MMS22L: variants seen among roughly 807,000 people sequenced by gnomAD.
The protein encoded by MMS22L is MMS22 like, DNA repair protein, also known as protein MMS22-like.
Under a neutral mutation model 159.1 loss-of-function variants are expected in MMS22L, and 74 were observed. That is an observed-to-expected ratio of 0.47 (90% CI 0.39 to 0.56). The LOEUF (loss-of-function observed/expected upper bound fraction) is 0.56, where lower values mean the gene tolerates loss of function less well. MMS22L is among the 20% of genes least tolerant of loss of function. The pLI is 0.00. For synonymous variants in MMS22L, 517 were observed against 506.9 expected, an observed-to-expected ratio of 1.02 and a Z score of -0.27; for missense variants, 1,351 against 1,422.1, an observed-to-expected ratio of 0.95 and a Z score of 0.80.
chr6:97,175,910 T>C (rs1414638298), intron 18 of MMS22L, among the ~76,000 whole-genome samples: 1 of 152,180 alleles, frequency 6.6e-6, no homozygotes, highest in African/African-American at 2.4e-5. Context: ...ACTTTGTCAG[T>C]TGTTCTTTTA....
intron 4 of MMS22L, among the ~76,000 whole-genome samples, chr6:97,277,548 AACAC>A (rs148516763): frequency 6.6e-6 from 1 of 151,102 alleles, no homozygotes; most frequent in Non-Finnish European, 1.5e-5. Flanking sequence ...CTCCAAACAA[AACAC>A]ACACACACAC....
chr6:97,177,972 GAAACA>G (rs1056534129), intron 18 of MMS22L, among the ~76,000 whole-genome samples: 6 of 151,972 alleles, frequency 3.9e-5, no homozygotes, highest in Non-Finnish European at 8.8e-5. Context: ...GTTTATTATG[GAAACA>G]AAACAAAACA....
Position 97,273,070 on chromosome 6 carries a change from CA to C in MMS22L, c.341-9del. ...GTAGAGTTGATACCTTCCCTGAAAC[CA>C]AAATAGACAATGTTAATCATAGTTC... On this transcript the variant is annotated splice_polypyrimidine_tract_variant and intron_variant, in intron 4 of 24. Transcript: ENST00000683635. 6.3e-7 allele frequency: 1 copy of C among 1,592,560 alleles called. No homozygotes were observed. The highest frequency in any genetic ancestry group is 8.5e-7 in the Non-Finnish European group (1 of 1,171,070).
Position 97,196,624 on chromosome 6 carries a change from A to C in MMS22L, c.2040-9934T>G, listed in dbSNP as rs368473774. On this transcript the variant is annotated intron_variant, in intron 14 of 24. Coordinates refer to ENST00000683635, the MANE Select transcript of MMS22L (RefSeq NM_001350599.2). ...GCTGGAAATGAGAGAAAACCAACTT[A>C]TATACCCAACATATATATTCCTCAT... Among the ~76,000 whole-genome samples, 37 of 152,298 alleles carry C rather than the reference A, an allele frequency of 2.4e-4. No homozygotes were observed. In the East Asian group the frequency reaches 5.6e-3, roughly 23 times the overall value.
At chr6:97,239,499 TTAAG>T (rs1374039669) in intron 11 of MMS22L, among the ~76,000 whole-genome samples, 11 of 152,228 alleles carry the variant, frequency 7.2e-5, no homozygotes, top group African/African-American at 2.7e-4. Context: ...AAAACTGTAC[TTAAG>T]TAAGTAAAAT....
In MMS22L at chr6:97,229,193, C is replaced by T. The variant is rs764539563; in HGVS notation, c.1740G>A (p.Met580Ile). 6.2e-7 allele frequency: 1 copy of T among 1,614,098 alleles called. No homozygotes were observed. The change falls in exon 14 of 25, where the codon ATG becomes ATA. Residue 580 changes from methionine (M) to isoleucine (I), a missense_variant. Met to Ile is a conservative substitution (Grantham distance 10). Coordinates refer to ENST00000683635, the MANE Select transcript of MMS22L (RefSeq NM_001350599.2). Reference sequence around the variant, plus strand: ...CAATGTCCAGATTTTTCTGGGCATACATCAAGAGGAAGGCCATGTGACCCT... The same window carrying T: ...CAATGTCCAGATTTTTCTGGGCATATATCAAGAGGAAGGCCATGTGACCCT... ...IWKGHMAFLL[M>I]YAQKNLDIGV... is the part of the protein sequence containing the mutation.
chr6:97,202,435 T>C (rs1807279301), intron 14 of MMS22L, among the ~76,000 whole-genome samples: 1 of 152,192 alleles, frequency 6.6e-6, no homozygotes, highest in Non-Finnish European at 1.5e-5. Context: ...ACACAACTTT[T>C]AAATATCCTT....
chr6:97,219,789 A>G (rs1809426465), intron 14 of MMS22L, among the ~76,000 whole-genome samples: 1 of 152,208 alleles, frequency 6.6e-6, no homozygotes, highest in Non-Finnish European at 1.5e-5. Flanking sequence ...GGCAAAAAGC[A>G]AAACTTGCTG....
At chr6:97,215,726 C>T (rs1808939039) in intron 14 of MMS22L, among the ~76,000 whole-genome samples, 1 of 151,996 alleles carries the variant, frequency 6.6e-6, no homozygotes, top group Non-Finnish European at 1.5e-5. Context: ...AAATAATACT[C>T]GCACTCACTG....
chr6:97,241,231 C>G (rs533817141), intron 11 of MMS22L, among the ~76,000 whole-genome samples: 2 of 152,260 alleles, frequency 1.3e-5, no homozygotes, highest in South Asian at 4.1e-4. Context: ...TGGGCTGGTT[C>G]CATATTTTTG....
intron 9 of MMS22L, chr6:97,260,183 C>T (rs559599344): frequency 6.6e-6 from 1 of 152,118 alleles, no homozygotes; most frequent in Non-Finnish European, 1.5e-5. Context: ...AATTATCCAG[C>T]AGACCCTTTC....
At chr6:97,170,705 G>T (rs1325634241) in intron 19 of MMS22L, among the ~76,000 whole-genome samples, 1 of 151,910 alleles carries the variant, frequency 6.6e-6, no homozygotes, top group African/African-American at 2.4e-5. Context: ...AAGTAATTTT[G>T]TTCATTTAAG....
At position 97,261,041 on chromosome 6, in the gene MMS22L, C is replaced by G. The variant is rs77664237; in HGVS notation, c.942+2294G>C. The G allele has an allele frequency of 2.4e-4, 36 of 152,216 alleles. No individual in the cohort carries two copies. In the East Asian group the frequency reaches 7.0e-3, roughly 29 times the overall value. 9.4% of individuals were successfully genotyped at this position (152,216 alleles called of 1,614,324 possible). On this transcript the variant is annotated intron_variant, in intron 9 of 24. Coordinates refer to ENST00000683635, the MANE Select transcript of MMS22L (RefSeq NM_001350599.2). ...ATGTCATGTGGACACTTTTATGTTT[C>G]TTTCTTATCAGTTCTCCGATCTACA...
chr6:97,260,767 T>C (rs1814379112), intron 9 of MMS22L: 1 of 152,212 alleles, frequency 6.6e-6, no homozygotes, highest in South Asian at 2.1e-4. Flanking sequence ...TAGGATTAGC[T>C]TAAAAGATTC....
intron 15 of MMS22L, among the ~76,000 whole-genome samples, chr6:97,183,389 G>A (rs149508782): frequency 6.6e-6 from 1 of 152,026 alleles, no homozygotes; most frequent in African/African-American, 2.4e-5. Flanking sequence ...TCAAACTCTT[G>A]GCCTTTTCCC....
At chr6:97,235,470 C>G (rs1000469520) in intron 11 of MMS22L, among the ~76,000 whole-genome samples, 1 of 152,070 alleles carries the variant, frequency 6.6e-6, no homozygotes. Context: ...GATATTATAA[C>G]ATTTTCATAT....
intron 18 of MMS22L, among the ~76,000 whole-genome samples, chr6:97,175,743 G>A (rs1286169167): frequency 1.3e-5 from 2 of 152,114 alleles, no homozygotes; most frequent in East Asian, 1.9e-4. Flanking sequence ...TCAAGATCAC[G>A]ATGACAAATA....
chr6:97,252,225 C>G (rs186494219), intron 10 of MMS22L, among the ~76,000 whole-genome samples: 8 of 151,974 alleles, frequency 5.3e-5, no homozygotes, highest in African/African-American at 1.7e-4. Context: ...GAATATCTGG[C>G]GGGGTCAATA....
chr6:97,229,523 A>C (rs928614376), intron 13 of MMS22L, 120 bp from the exon 14 acceptor site: 2 of 709,686 alleles, frequency 2.8e-6, no homozygotes, highest in African/African-American at 3.6e-5. Context: ...CTAATTCTTT[A>C]TTTTGATGCT....
Sources: gnomAD v4.1 joint callset for allele counts (sites outside exome capture counted in the v4.1 genomes callset) on GRCh38, gnomAD v4.1.1 for gene constraint, MANE v1.5 for transcripts, NCBI Gene and HGNC (gene_info 2026-07-23, HGNC 2026-07-21) for gene names.